Variants in IGFL2 observed in about 807,000 individuals in gnomAD.
IGFL2 encodes insulin growth factor-like family member 2.
IGFL2 carries 7 observed loss-of-function variants against 13.9 expected under a neutral mutation model. The ratio of observed to expected loss-of-function variants is 0.51; its 90% confidence interval spans 0.29 to 0.95. The LOEUF (loss-of-function observed/expected upper bound fraction) is 0.95, where lower values mean the gene tolerates loss of function less well. Ranked by LOEUF, IGFL2 falls within the 40% of genes least tolerant of loss-of-function variation. IGFL2 has a pLI of 0.08. For missense variants in IGFL2, 138 were observed against 147.8 expected, an observed-to-expected ratio of 0.93 and a Z score of 0.34; for synonymous variants, 55 against 55.8, an observed-to-expected ratio of 0.99 and a Z score of 0.07.
the IGFL2 span, among the ~76,000 whole-genome samples, chr19:46,083,173 A>C: frequency 1.3e-5 from 2 of 152,222 alleles, no homozygotes. Flanking sequence ...TTGCTTTAGA[A>C]TTTCTACTTC....
chr19:46,173,033 G>A, the IGFL2 span, among the ~76,000 whole-genome samples: 7 of 152,194 alleles, frequency 4.6e-5, no homozygotes, highest in African/African-American at 7.2e-5. Flanking sequence ...AGACGGACTA[G>A]CATTTTCAAA....
chr19:46,193,411 G>T, the IGFL2 span, among the ~76,000 whole-genome samples: 1 of 152,072 alleles, frequency 6.6e-6, no homozygotes, highest in African/African-American at 2.4e-5. Context: ...TGCAGTGTTT[G>T]TGAAAGTTTC....
chr19:46,102,367 A>G, the IGFL2 span, among the ~76,000 whole-genome samples: 85 of 152,280 alleles, frequency 5.6e-4, 1 homozygote, highest in African/African-American at 1.9e-3. Context: ...GTTAGGAGCA[A>G]TTTTGTTGCG....
At chr19:46,116,794 T>G in the IGFL2 span, among the ~76,000 whole-genome samples, 2 of 152,320 alleles carry the variant, frequency 1.3e-5, no homozygotes, top group South Asian at 2.1e-4. Context: ...GTGGTACCTT[T>G]GTGGAAAGAT....
chr19:46,089,577 GT>G, the IGFL2 span, among the ~76,000 whole-genome samples: 1 of 150,804 alleles, frequency 6.6e-6, no homozygotes, highest in East Asian at 2.0e-4. Context: ...CCCAGCACTT[GT>G]TTGTCTGAGC....
intron 1 of IGFL2, among the ~76,000 whole-genome samples, chr19:46,154,728 C>T (rs1163871788): frequency 6.6e-6 from 1 of 152,144 alleles, no homozygotes; most frequent in East Asian, 1.9e-4. Flanking sequence ...GGATTACAGG[C>T]GTGAGCCACT....
At chr19:46,146,396 C>T (rs1398498586), upstream of IGFL2, among the ~76,000 whole-genome samples, 1 of 152,088 alleles carries the variant, frequency 6.6e-6, no homozygotes, top group Non-Finnish European at 1.5e-5. Flanking sequence ...AGTGTGAGTC[C>T]TCTACCATCT....
chr19:46,171,495 T>G, the IGFL2 span, among the ~76,000 whole-genome samples: 126 of 152,362 alleles, frequency 8.3e-4, 2 homozygotes, highest in Middle Eastern at 0.017. Context: ...TGGAATGACA[T>G]GGAGATGCAC....
At chr19:46,100,857 A>G in the IGFL2 span, among the ~76,000 whole-genome samples, 5 of 151,922 alleles carry the variant, frequency 3.3e-5, no homozygotes, top group African/African-American at 1.2e-4. Context: ...TCTCATCTTC[A>G]TAAGTTTGTC....
At chr19:46,184,432 C>T in the IGFL2 span, among the ~76,000 whole-genome samples, 10 of 150,894 alleles carry the variant, frequency 6.6e-5, no homozygotes, top group Non-Finnish European at 8.8e-5. Context: ...CCCCCACCCC[C>T]GACAGGCTCC....
chr19:46,110,296 G>C, the IGFL2 span, among the ~76,000 whole-genome samples: 2 of 152,210 alleles, frequency 1.3e-5, no homozygotes, highest in Non-Finnish European at 2.9e-5. Context: ...TGTTAAGTCT[G>C]CTGGGTCTGA....
At chr19:46,189,784 C>A in the IGFL2 span, 2 of 152,064 alleles carry the variant, frequency 1.3e-5, no homozygotes, top group Non-Finnish European at 2.9e-5. Context: ...GTAATTGCTA[C>A]AGACTAATGA....
the IGFL2 span, among the ~76,000 whole-genome samples, chr19:46,185,953 G>C: frequency 9.9e-5 from 15 of 152,180 alleles, no homozygotes; most frequent in Non-Finnish European, 1.6e-4. Context: ...GATGGCCTGA[G>C]AGGGCTATGG....
the IGFL2 span, among the ~76,000 whole-genome samples, chr19:46,116,056 A>G: frequency 6.6e-6 from 1 of 151,936 alleles, no homozygotes; most frequent in African/African-American, 2.4e-5. Flanking sequence ...TGTTAATTCT[A>G]TTTTTGGATT....
chr19:46,110,223 C>A, the IGFL2 span, among the ~76,000 whole-genome samples: 1 of 152,226 alleles, frequency 6.6e-6, no homozygotes, highest in Admixed American at 6.5e-5. Flanking sequence ...ATTCACTTTT[C>A]ATGCCACTCA....
At chr19:46,126,708 G>C in the IGFL2 span, among the ~76,000 whole-genome samples, 2 of 152,132 alleles carry the variant, frequency 1.3e-5, no homozygotes, top group African/African-American at 4.8e-5. Flanking sequence ...CAACACACAA[G>C]CCAAATCATG....
the IGFL2 span, among the ~76,000 whole-genome samples, chr19:46,181,059 G>A: frequency 6.6e-5 from 10 of 152,250 alleles, no homozygotes; most frequent in East Asian, 1.9e-3. Flanking sequence ...ATTCAATCAA[G>A]TTGATACTTA....
chr19:46,172,666 G>GA, the IGFL2 span, among the ~76,000 whole-genome samples: 1 of 152,174 alleles, frequency 6.6e-6, no homozygotes, highest in African/African-American at 2.4e-5. Context: ...GCCAGCTGCT[G>GA]AAACAAGGAC....
the IGFL2 span, chr19:46,189,749 GATT>G: frequency 2.0e-5 from 3 of 152,150 alleles, no homozygotes; most frequent in Non-Finnish European, 2.9e-5. Context: ...GTAGAGAGAA[GATT>G]ATTATTATAA....
Sources: gnomAD v4.1 joint callset for allele counts (sites outside exome capture counted in the v4.1 genomes callset) on GRCh38, gnomAD v4.1.1 for gene constraint, MANE v1.5 for transcripts, NCBI Gene and HGNC (gene_info 2026-07-23, HGNC 2026-07-21) for gene names.